Variants in ZPBP observed in about 807,000 individuals in gnomAD.
ZPBP encodes zona pellucida-binding protein 1.
Under a neutral mutation model 44.8 loss-of-function variants are expected in ZPBP, and 26 were observed. That is an observed-to-expected ratio of 0.58 (90% CI 0.43 to 0.81). The LOEUF (loss-of-function observed/expected upper bound fraction) is 0.81, where lower values mean the gene tolerates loss of function less well. Among genes scored for constraint, ZPBP ranks in the 30% least tolerant of loss-of-function variants. The pLI is 0.00. For missense variants in ZPBP, 409 were observed against 434.0 expected (o/e 0.94, Z 0.51); for synonymous variants, 174 against 153.2 (o/e 1.14, Z -1.00).
At position 49,877,481 on chromosome 7, in the gene ZPBP, A is replaced by AAAAATATACATATAT; in HGVS notation, n.509+23636_509+23637insATATATGTATATTTT. 8.6e-4 allele frequency among the ~76,000 whole-genome samples: 11 copies of AAAAATATACATATAT among 12,728 alleles called. 2 individuals are homozygous for AAAAATATACATATAT. The highest frequency in any genetic ancestry group is 3.3e-3 in the South Asian group (1 of 302). The allele number at this position is 12,728 out of a possible 152,430, so 8.4% of individuals were successfully genotyped here. On this transcript the variant is annotated intron_variant and non_coding_transcript_variant, in intron 2 of 2. Transcript: ENST00000465922. ...CTGTCTCAAAAAAAAAAAAAAAAAA[A>AAAAATATACATATAT]ATATATATATATATATATATATATA... is the stretch of plus-strand genomic sequence containing the variant.
chr7:49,968,071 GATTA>G lies in ZPBP; in HGVS notation c.961+15267_961+15270del, dbSNP rs550922767. ...TAGAGTATTTTTTCTAATGACAGCA[GATTA>G]ATTTAGAACTAATTTTTTAAAAAAA... On this transcript the variant is annotated intron_variant, in intron 7 of 7. Transcript: ENST00000046087. 3.2e-3 allele frequency among the ~76,000 whole-genome samples: 484 copies of G among 151,906 alleles called. 6 individuals are homozygous for G. Among genetic ancestry groups the G allele is most frequent in the African/African-American group, 0.011 (451 of 41,448 alleles).
At chr7:50,009,955 G>A (rs1584035369) in intron 6 of ZPBP, among the ~76,000 whole-genome samples, 2 of 152,122 alleles carry the variant, frequency 1.3e-5, no homozygotes, top group South Asian at 4.1e-4. Context: ...TCTGTATACT[G>A]AAAATTACAA....
At chr7:49,941,863 C>T (rs2128753538) in intron 7 of ZPBP, among the ~76,000 whole-genome samples, 1 of 152,158 alleles carries the variant, frequency 6.6e-6, no homozygotes, top group East Asian at 1.9e-4. Flanking sequence ...TTAAAACTTA[C>T]TACAAAGCTG....
intron 1 of ZPBP, among the ~76,000 whole-genome samples, chr7:49,906,145 T>A (rs899061775): frequency 2.6e-5 from 4 of 152,226 alleles, no homozygotes; most frequent in African/African-American, 9.6e-5. Flanking sequence ...ACTTTCTTAA[T>A]AAACTTGCTT....
intron 3 of ZPBP, among the ~76,000 whole-genome samples, chr7:50,062,269 A>G (rs1305664879): frequency 6.6e-6 from 1 of 152,238 alleles, no homozygotes; most frequent in Non-Finnish European, 1.5e-5. Context: ...TTACAGATTC[A>G]ATGCTTTTCC....
At chr7:49,997,174 C>T (rs1797883165) in intron 6 of ZPBP, among the ~76,000 whole-genome samples, 1 of 152,172 alleles carries the variant, frequency 6.6e-6, no homozygotes, top group Non-Finnish European at 1.5e-5. Context: ...TCCAATCTCC[C>T]TAAACCTTTG....
At chr7:50,033,353 G>T (rs1435446973) in intron 4 of ZPBP, among the ~76,000 whole-genome samples, 1 of 152,126 alleles carries the variant, frequency 6.6e-6, no homozygotes, top group Non-Finnish European at 1.5e-5. Context: ...TGACCAGGCT[G>T]CTTTAAGGAA....
intron 7 of ZPBP, among the ~76,000 whole-genome samples, chr7:49,967,973 C>T (rs1000089037): frequency 4.6e-5 from 7 of 152,068 alleles, no homozygotes; most frequent in African/African-American, 1.7e-4. Context: ...AATACTAACT[C>T]CTGGTACTTG....
intron 3 of ZPBP, 75 bp downstream of exon 3, chr7:50,081,699 A>T: frequency 6.5e-7 from 1 of 1,533,700 alleles, no homozygotes; most frequent in East Asian, 2.3e-5. Context: ...TATGTATGAG[A>T]TACAAACATT....
At chr7:49,871,038 G>C (rs1390426729) in intron 2 of ZPBP, among the ~76,000 whole-genome samples, 1 of 152,122 alleles carries the variant, frequency 6.6e-6, no homozygotes, top group African/African-American at 2.4e-5. Context: ...GTATTCCACA[G>C]AACCAATAAA....
intron 6 of ZPBP, among the ~76,000 whole-genome samples, chr7:50,002,290 C>T (rs942978334): frequency 2.0e-5 from 3 of 152,106 alleles, no homozygotes; most frequent in Non-Finnish European, 2.9e-5. Context: ...ACCATGAGAA[C>T]AGTATGGGAA....
chr7:49,989,955 A>T (rs948490647), intron 6 of ZPBP, among the ~76,000 whole-genome samples: 4 of 152,188 alleles, frequency 2.6e-5, no homozygotes, highest in Non-Finnish European at 4.4e-5. Flanking sequence ...GTCACAGGAT[A>T]TCCTTTTCTC....
At chr7:49,997,128 G>T (rs1797880779) in intron 6 of ZPBP, among the ~76,000 whole-genome samples, 1 of 152,186 alleles carries the variant, frequency 6.6e-6, no homozygotes, top group Admixed American at 6.5e-5. Context: ...ACCAATGTGA[G>T]TGAGTAGGTC....
At chr7:50,083,878 T>C (rs181649980) in intron 2 of ZPBP, among the ~76,000 whole-genome samples, 15 of 152,008 alleles carry the variant, frequency 9.9e-5, no homozygotes, top group African/African-American at 3.6e-4. Flanking sequence ...TTAAAGAAAA[T>C]AATACCTTTA....
At chr7:49,841,552 A>G in the ZPBP span, among the ~76,000 whole-genome samples, 2 of 152,324 alleles carry the variant, frequency 1.3e-5, no homozygotes, top group African/African-American at 4.8e-5. Context: ...TAGTGCATAT[A>G]ACAAATCGCC....
intron 7 of ZPBP, among the ~76,000 whole-genome samples, chr7:49,945,302 A>C (rs1004972903): frequency 1.3e-4 from 19 of 151,964 alleles, no homozygotes; most frequent in African/African-American, 4.1e-4. Flanking sequence ...AGCTGAGGAG[A>C]AGAATGTGTA....
intron 2 of ZPBP, among the ~76,000 whole-genome samples, chr7:49,880,205 A>G (rs1791605986): frequency 6.6e-6 from 1 of 152,150 alleles, no homozygotes; most frequent in Non-Finnish European, 1.5e-5. Context: ...TTACTTCTTC[A>G]TATGATAATG....
chr7:49,998,610 ACT>A (rs1234308369), intron 6 of ZPBP, among the ~76,000 whole-genome samples: 2 of 152,118 alleles, frequency 1.3e-5, no homozygotes, highest in Non-Finnish European at 2.9e-5. Context: ...CCTGCTACAG[ACT>A]CTCAGTGCTC....
At chr7:50,013,228 T>C (rs560028596) in intron 6 of ZPBP, among the ~76,000 whole-genome samples, 308 of 152,068 alleles carry the variant, frequency 2.0e-3, no homozygotes, top group Admixed American at 5.7e-3. Flanking sequence ...TTTTACAGTA[T>C]AGTTGTTATA....
Sources: allele counts gnomAD v4.1 joint callset (sites outside exome capture counted in the v4.1 genomes callset), GRCh38; gene constraint gnomAD v4.1.1; transcripts MANE v1.5; gene names NCBI Gene and HGNC (gene_info 2026-07-23, HGNC 2026-07-21).